Variants in FAM13A observed in about 807,000 individuals in gnomAD.
FAM13A encodes the protein family with sequence similarity 13 member A, also known as protein FAM13A.
In FAM13A, 76 loss-of-function variants were observed where a neutral mutation model predicts 129.6. The observed-to-expected ratio is 0.59, with a 90% CI of 0.49 to 0.71. FAM13A has a LOEUF of 0.71. Among genes scored for constraint, FAM13A ranks in the 30% least tolerant of loss-of-function variants. FAM13A has a pLI of 0.00. For synonymous variants in FAM13A, 443 were observed against 449.9 expected (o/e 0.98, Z 0.20); for missense variants, 1,108 against 1,249.3 (o/e 0.89, Z 1.70).
At chr4:89,045,750 G>A (rs1770756121) in intron 1 of FAM13A, among the ~76,000 whole-genome samples, 1 of 152,146 alleles carries the variant, frequency 6.6e-6, no homozygotes, top group East Asian at 1.9e-4. Context: ...AAGGCAGGGC[G>A]TGGTGGCTCA....
Position 88,966,867 on chromosome 4 carries a change from T to C in FAM13A, c.605+24106A>G, listed in dbSNP as rs147738179. 8.7e-4 allele frequency among the ~76,000 whole-genome samples: 132 copies of C among 152,226 alleles called. No homozygotes were observed. The East Asian group carries it at 0.02, about 23-fold the overall frequency. ...TGGAGACATTTAACCTCCTAGAAAA[T>C]TGTTATCCTTTCTCTTCAGTATTCT... On this transcript the variant is annotated intron_variant, in intron 4 of 23. Transcript: ENST00000264344.
intron 5 of FAM13A, among the ~76,000 whole-genome samples, chr4:88,923,026 A>C (rs1751403491): frequency 6.6e-6 from 1 of 152,212 alleles, no homozygotes; most frequent in African/African-American, 2.4e-5. Context: ...TGAATAGACC[A>C]ATAACAGGCT....
At chr4:88,908,572 A>G (rs747203896) in intron 5 of FAM13A, among the ~76,000 whole-genome samples, 1 of 152,208 alleles carries the variant, frequency 6.6e-6, no homozygotes, top group Non-Finnish European at 1.5e-5. Context: ...ATTAATGGGC[A>G]CAAGGCTGAC....
At chr4:88,749,992 G>T in intron 15 of FAM13A, 83 bp from the exon 16 acceptor site, 1 of 1,446,446 alleles carries the variant, frequency 6.9e-7, no homozygotes, top group Non-Finnish European at 9.5e-7. Context: ...GGGACACCAT[G>T]TGGCATGCGG....
At chr4:88,816,180 C>G (rs915383234) in intron 7 of FAM13A, among the ~76,000 whole-genome samples, 2 of 152,016 alleles carry the variant, frequency 1.3e-5, no homozygotes, top group Non-Finnish European at 2.9e-5. Context: ...TTTCCTTAAA[C>G]TGCATTAATG....
At chr4:88,851,959 G>A (rs1215375220) in intron 6 of FAM13A, among the ~76,000 whole-genome samples, 1 of 152,058 alleles carries the variant, frequency 6.6e-6, no homozygotes, top group Admixed American at 6.6e-5. Context: ...CAGAATTGTA[G>A]GAAAAATTAG....
intron 8 of FAM13A, 122 bp downstream of exon 8, chr4:88,804,888 CA>C (rs1728249438): frequency 1.5e-6 from 1 of 658,262 alleles, no homozygotes; most frequent in South Asian, 1.8e-5. Context: ...AGAGCTCCAG[CA>C]AGTTAGTCTG....
intron 3 of FAM13A, among the ~76,000 whole-genome samples, chr4:89,005,936 T>A (rs2149069341): frequency 6.6e-6 from 1 of 152,338 alleles, no homozygotes; most frequent in East Asian, 1.9e-4. Context: ...GTTGTCAATT[T>A]TTGCTTTTGT....
intron 6 of FAM13A, among the ~76,000 whole-genome samples, chr4:88,903,883 A>G (rs1369085219): frequency 6.6e-6 from 1 of 152,194 alleles, no homozygotes; most frequent in Non-Finnish European, 1.5e-5. Context: ...TCCATCTGAC[A>G]AAGGTCTAAC....
At position 88,731,302 on chromosome 4, in the gene FAM13A, GAGGGTGGGGGAAGAC is replaced by G; in HGVS notation, c.2945+10_2945+24del. 7.6e-7 allele frequency: 1 copy of G among 1,313,628 alleles called. No homozygotes were observed. Among genetic ancestry groups the G allele is most frequent in the Non-Finnish European group, 1.1e-6 (1 of 923,690 alleles). 81.4% of individuals were successfully genotyped at this position (1,313,628 alleles called of 1,614,324 possible). On this transcript the variant is annotated intron_variant, in intron 23 of 23. Coordinates refer to ENST00000264344, the MANE Select transcript of FAM13A (RefSeq NM_014883.4). ...GTGTGTGGTGCGGCGGGGGGGAAGG[GAGGGTGGGGGAAGAC>G]AGGCACTACCTTCCATTCTGTCTGA...
chr4:88,856,703 G>A (rs1738566856), intron 6 of FAM13A, among the ~76,000 whole-genome samples: 2 of 152,156 alleles, frequency 1.3e-5, no homozygotes, highest in African/African-American at 4.8e-5. Flanking sequence ...TTAACACTTA[G>A]ATTTTCTCAA....
Position 88,841,997 on chromosome 4 carries a change from AC to A in FAM13A, c.1007+9022del, listed in dbSNP as rs1463571077. 2.0e-5 allele frequency among the ~76,000 whole-genome samples: 3 copies of A among 152,232 alleles called. No individual in the cohort carries two copies. In the East Asian group the frequency reaches 5.8e-4, roughly 29 times the overall value. ...TCATAATAGCCAAAAAGTAGATCCA[AC>A]CCAAATGTACGTCAACTAATGAGTG... On this transcript the variant is annotated intron_variant, in intron 7 of 23. Coordinates refer to ENST00000264344, the MANE Select transcript of FAM13A (RefSeq NM_014883.4).
intron 8 of FAM13A, among the ~76,000 whole-genome samples, chr4:88,799,784 C>G (rs975745965): frequency 2.6e-5 from 4 of 151,928 alleles, no homozygotes; most frequent in African/African-American, 7.3e-5. Flanking sequence ...TGCCTGGCCC[C>G]AACAATTCCA....
intron 4 of FAM13A, among the ~76,000 whole-genome samples, chr4:88,964,304 C>T (rs1435406230): frequency 2.0e-5 from 3 of 152,090 alleles, no homozygotes; most frequent in East Asian, 3.8e-4. Flanking sequence ...AGCCTCTCCC[C>T]TAAAGGAGCT....
chr4:88,843,856 G>T (rs59640312), intron 7 of FAM13A, among the ~76,000 whole-genome samples: 2 of 152,156 alleles, frequency 1.3e-5, no homozygotes, highest in Non-Finnish European at 2.9e-5. Flanking sequence ...GATGGACAGC[G>T]ATGATGTGGG....
intron 4 of FAM13A, among the ~76,000 whole-genome samples, chr4:88,970,981 G>A (rs553174829): frequency 2.0e-5 from 3 of 152,200 alleles, no homozygotes; most frequent in Non-Finnish European, 2.9e-5. Flanking sequence ...GGCCGAGGCG[G>A]GTGGATCATG....
intron 4 of FAM13A, among the ~76,000 whole-genome samples, chr4:88,964,505 A>C (rs1032776072): frequency 6.6e-6 from 1 of 152,040 alleles, no homozygotes. Context: ...ATAATTATTA[A>C]ACTAGATTTT....
chr4:88,811,350 T>C (rs940162502), intron 7 of FAM13A, among the ~76,000 whole-genome samples: 5 of 152,164 alleles, frequency 3.3e-5, no homozygotes, highest in African/African-American at 9.6e-5. Context: ...TCATTTTGCA[T>C]AGGACATGGC....
intron 4 of FAM13A, among the ~76,000 whole-genome samples, chr4:88,971,196 C>T (rs1322859477): frequency 3.3e-5 from 5 of 151,910 alleles, no homozygotes; most frequent in East Asian, 1.9e-4. Flanking sequence ...CCAGCCTGGG[C>T]GACAGAGTGA....
Sources: allele counts gnomAD v4.1 joint callset (sites outside exome capture counted in the v4.1 genomes callset), GRCh38; gene constraint gnomAD v4.1.1; transcripts MANE v1.5; gene names NCBI Gene and HGNC (gene_info 2026-07-23, HGNC 2026-07-21).